ATXN10: variants seen among roughly 807,000 people sequenced by gnomAD.
ATXN10 encodes the protein ataxin 10.
In ATXN10, 28 loss-of-function variants were observed where a neutral mutation model predicts 52.9. The observed-to-expected ratio is 0.53, with a 90% confidence interval of 0.39 to 0.73. The LOEUF is 0.73. ATXN10 is among the 30% of genes least tolerant of loss of function. ATXN10 has a pLI of 0.00. For missense variants in ATXN10, 565 were observed against 577.0 expected (o/e 0.98, Z 0.21); for synonymous variants, 226 against 221.5 (o/e 1.02, Z -0.18).
rs1206389746 is a variant in ATXN10 at position 45,715,760 on chromosome 22, AC to A, written c.648-2652del. Among the ~76,000 whole-genome samples, 1 of 152,178 alleles carries A rather than the reference AC, an allele frequency of 6.6e-6. No homozygotes were observed. The highest frequency in any genetic ancestry group is 2.4e-5 in the African/African-American group (1 of 41,434). ...CTTTTCACCTGCATGTGTCATGTTC[AC>A]TAAGGTAGACCATAGGCTGGCCTGT... On this transcript the variant is annotated intron_variant, in intron 5 of 11. Transcript: ENST00000252934. This position sits in a 1 kb window ranked among gnomAD's most constrained non-coding sequence, Gnocchi z 4.4.
At position 45,828,360 on chromosome 22, in the gene ATXN10, G is replaced by A. The variant is rs1056821022; in HGVS notation, c.1238-14631G>A. Among the ~76,000 whole-genome samples the A allele has an allele frequency of 2.0e-5, 3 of 151,754 alleles. No homozygotes were observed. On this transcript the variant is annotated intron_variant, in intron 10 of 11. Coordinates refer to ENST00000252934, the MANE Select transcript of ATXN10 (RefSeq NM_013236.4). This position sits in a 1 kb window ranked among gnomAD's most constrained non-coding sequence, Gnocchi z 4.5. ...TAAGAAAGTTCAAAGAACTAGATAA[G>A]GACATAGAAAAAGTAAACCCAAAGC...
intron 6 of ATXN10, among the ~76,000 whole-genome samples, chr22:45,719,348 T>C (rs1251243105): frequency 1.3e-5 from 2 of 152,180 alleles, no homozygotes; most frequent in Non-Finnish European, 2.9e-5. Flanking sequence ...TGTGTACTTT[T>C]GTAGTCTTTT....
chr22:45,804,981 C>T (rs1430932327), intron 9 of ATXN10, among the ~76,000 whole-genome samples: 1 of 152,206 alleles, frequency 6.6e-6, no homozygotes, highest in Non-Finnish European at 1.5e-5. Flanking sequence ...GATCCTCCCG[C>T]AGCAGTCCAT....
chr22:45,714,025 C>G (rs1478778668), intron 5 of ATXN10, among the ~76,000 whole-genome samples: 1 of 152,108 alleles, frequency 6.6e-6, no homozygotes, highest in Non-Finnish European at 1.5e-5. Context: ...AATTCTGGGT[C>G]AAAAGGAATG....
At chr22:45,721,126 A>G (rs1924633770) in intron 6 of ATXN10, among the ~76,000 whole-genome samples, 1 of 152,154 alleles carries the variant, frequency 6.6e-6, no homozygotes, top group Non-Finnish European at 1.5e-5. Context: ...CTATTCATGC[A>G]GATTACTCGG....
rs1489813022 is a variant in ATXN10, at chr22:45,818,838, G to A, written c.1237+11816G>A. 2.6e-5 allele frequency among the ~76,000 whole-genome samples: 4 copies of A among 152,186 alleles called. No individual in the cohort carries two copies. Among genetic ancestry groups the A allele is most frequent in the Non-Finnish European group, 4.4e-5 (3 of 68,026 alleles). ...AGAAACAAAACTGTATGTGGACACTGATTGCCTGTTCCTAAGGACCTGCTC... is the reference window on the plus strand; with the variant it reads ...AGAAACAAAACTGTATGTGGACACTAATTGCCTGTTCCTAAGGACCTGCTC... On this transcript the variant is annotated intron_variant, in intron 10 of 11. Coordinates refer to ENST00000252934, the MANE Select transcript of ATXN10 (RefSeq NM_013236.4). This position sits in a 1 kb window ranked among gnomAD's most constrained non-coding sequence, Gnocchi z 4.6.
At chr22:45,719,745 C>T (rs748196662) in intron 6 of ATXN10, among the ~76,000 whole-genome samples, 3 of 152,176 alleles carry the variant, frequency 2.0e-5, no homozygotes, top group Admixed American at 1.3e-4. Flanking sequence ...GTATCAGGTG[C>T]ATCCTTACTT....
rs1412451155 is a variant in ATXN10, at chr22:45,744,016, C to T, written c.1173+3478C>T. Among the ~76,000 whole-genome samples, 1 of 152,094 alleles carries T rather than the reference C, an allele frequency of 6.6e-6. No homozygotes were observed. Among genetic ancestry groups the T allele is most frequent in the Non-Finnish European group, 1.5e-5 (1 of 68,012 alleles). On this transcript the variant is annotated intron_variant, in intron 9 of 11. Coordinates refer to ENST00000252934, the MANE Select transcript of ATXN10 (RefSeq NM_013236.4). The surrounding 1 kb of genome is among the most constrained non-coding windows in gnomAD (Gnocchi z 4.9). ...GTCTGCGTCTCCTAGGCCAGCCAGG[C>T]CCCTTAGACTCCCTCCTGGTTGAAG... is the stretch of plus-strand genomic sequence containing the variant.
At chr22:45,710,927 T>G (rs931598754) in intron 5 of ATXN10, among the ~76,000 whole-genome samples, 3 of 152,194 alleles carry the variant, frequency 2.0e-5, no homozygotes, top group African/African-American at 7.2e-5. Flanking sequence ...CTGAAGCAGA[T>G]AAGCCTGGTT....
At chr22:45,717,290 T>A (rs1924484476) in intron 5 of ATXN10, among the ~76,000 whole-genome samples, 1 of 152,158 alleles carries the variant, frequency 6.6e-6, no homozygotes, top group Non-Finnish European at 1.5e-5. Flanking sequence ...TAAATATGGG[T>A]CTTTATTGTT....
chr22:45,780,482 G>GCAGACCTAGGTTCAACCCTGGT lies in ATXN10; in HGVS notation c.1174-26456_1174-26455insTCAGACCTAGGTTCAACCCTGG, dbSNP rs534638278. Among the ~76,000 whole-genome samples the GCAGACCTAGGTTCAACCCTGGT allele has an allele frequency of 0.011, 1,743 of 152,246 alleles. 14 individuals are homozygous for GCAGACCTAGGTTCAACCCTGGT. The highest frequency in any genetic ancestry group is 0.018 in the Non-Finnish European group (1,224 of 68,002). On this transcript the variant is annotated intron_variant, in intron 9 of 11. Coordinates refer to ENST00000252934, the MANE Select transcript of ATXN10 (RefSeq NM_013236.4). The surrounding 1 kb of genome is among the most constrained non-coding windows in gnomAD (Gnocchi z 4.0). ...GGAGGAGGTCTGGCTCTGGAGTCAG[G>GCAGACCTAGGTTCAACCCTGGT]CAGACCTAGGTTCAACCCTGGCCCT...
intron 5 of ATXN10, among the ~76,000 whole-genome samples, chr22:45,710,568 C>A (rs927660807): frequency 9.9e-5 from 15 of 152,190 alleles, no homozygotes; most frequent in Non-Finnish European, 2.2e-4. Flanking sequence ...CTCCATAAGG[C>A]CCTGGAGTTT....
chr22:45,786,907 C>G lies in ATXN10; in HGVS notation c.1174-20052C>G, dbSNP rs762913707. ...TTTGTTTTGTTTTTGTCCAGTAATT[C>G]TTTTCGGAATTTCTCCAAAGGAAAT... On this transcript the variant is annotated intron_variant, in intron 9 of 11. Coordinates refer to ENST00000252934, the MANE Select transcript of ATXN10 (RefSeq NM_013236.4). This position sits in a 1 kb window ranked among gnomAD's most constrained non-coding sequence, Gnocchi z 4.1. Among the ~76,000 whole-genome samples, 1 of 151,978 alleles carries G rather than the reference C, an allele frequency of 6.6e-6. No homozygotes were observed. The highest frequency in any genetic ancestry group is 2.4e-5 in the African/African-American group (1 of 41,374).
chr22:45,817,444 C>A (rs528723478), intron 10 of ATXN10, among the ~76,000 whole-genome samples: 19 of 151,664 alleles, frequency 1.3e-4, no homozygotes, highest in African/African-American at 4.1e-4. Context: ...TGTGCTTCAC[C>A]CTCTCTAGTA....
At chr22:45,745,853 GAC>G (rs2146809160) in intron 9 of ATXN10, among the ~76,000 whole-genome samples, 1 of 152,288 alleles carries the variant, frequency 6.6e-6, no homozygotes, top group East Asian at 1.9e-4. Context: ...CAGCAAGTAA[GAC>G]AGTTCTTTTC....
Position 45,840,345 on chromosome 22 carries a change from G to A in ATXN10, c.1238-2646G>A, listed in dbSNP as rs984113671. ...TGAGAACTGTTAAAAAAGAGAGAGAGAATGCATTGGAAACAGACAGCAGGT... is the reference window on the plus strand; with the variant it reads ...TGAGAACTGTTAAAAAAGAGAGAGAAAATGCATTGGAAACAGACAGCAGGT... On this transcript the variant is annotated intron_variant, in intron 10 of 11. Transcript: ENST00000252934. The surrounding 1 kb of genome is among the most constrained non-coding windows in gnomAD (Gnocchi z 5.8). Among the ~76,000 whole-genome samples the A allele has an allele frequency of 6.6e-6, 1 of 152,062 alleles. No individual in the cohort carries two copies. Among genetic ancestry groups the A allele is most frequent in the Non-Finnish European group, 1.5e-5 (1 of 68,042 alleles).
intron 7 of ATXN10, among the ~76,000 whole-genome samples, chr22:45,737,359 C>T (rs562681716): frequency 3.5e-4 from 54 of 152,228 alleles, no homozygotes; most frequent in African/African-American, 1.3e-3. Context: ...TGGTATCTCA[C>T]GATAACAATC....
chr22:45,693,169 A>G (rs902994386), intron 3 of ATXN10, 91 bp downstream of exon 3: 3 of 1,035,532 alleles, frequency 2.9e-6, no homozygotes, highest in Non-Finnish European at 4.5e-6. Context: ...ATTGAAACAC[A>G]TGTTCTGTAT....
chr22:45,731,934 G>A (rs139877853), intron 7 of ATXN10, among the ~76,000 whole-genome samples: 37 of 152,302 alleles, frequency 2.4e-4, no homozygotes, highest in African/African-American at 8.4e-4. Context: ...TCCAGCAGGA[G>A]GAGCAGTGAG....
Sources: allele counts gnomAD v4.1 joint callset (sites outside exome capture counted in the v4.1 genomes callset), GRCh38; gene constraint gnomAD v4.1.1; non-coding constraint Gnocchi (gnomAD v3.1); transcripts MANE v1.5; gene names NCBI Gene and HGNC (gene_info 2026-07-23, HGNC 2026-07-21).